The following TP53BP1 variants were observed in gnomAD, a reference collection of about 807,000 sequenced individuals.
TP53BP1 encodes the protein tumor protein p53 binding protein 1.
Under a neutral mutation model 200.8 loss-of-function variants are expected in TP53BP1, and 61 were observed. That is an observed-to-expected ratio of 0.30 (90% CI 0.25 to 0.38). TP53BP1 has a LOEUF of 0.38. Ranked by LOEUF, TP53BP1 falls within the 10% of genes least tolerant of loss-of-function variation. The probability of loss-of-function intolerance (pLI) is 1.00; values close to 1 mark genes in which losing one functional copy is unlikely to be tolerated. For missense variants in TP53BP1, 2,144 were observed against 2,371.9 expected, an observed-to-expected ratio of 0.90 and a Z score of 2.00; for synonymous variants, 822 against 844.3, an observed-to-expected ratio of 0.97 and a Z score of 0.46.
Position 43,471,952 on chromosome 15 carries a change from A to G in TP53BP1, c.1181-1886T>C, listed in dbSNP as rs184799348. 8.5e-5 allele frequency among the ~76,000 whole-genome samples: 13 copies of G among 152,352 alleles called. 1 individual carries two copies. Among genetic ancestry groups the G allele is most frequent in the Admixed American group, 2.6e-4 (4 of 15,310 alleles). Reference sequence around the variant, plus strand: ...AATTTGGATACCTACAACTGATTTTAAGAGAAACAGCCAGAGACAAACTTT... The same window carrying G: ...AATTTGGATACCTACAACTGATTTTGAGAGAAACAGCCAGAGACAAACTTT... On this transcript the variant is annotated intron_variant, in intron 10 of 27. Transcript: ENST00000382044.
chr15:43,420,562 G>C lies in TP53BP1; in HGVS notation c.4424C>G (p.Ala1475Gly), dbSNP rs1466285699. Residue 1475 changes from alanine to glycine, a missense_variant, in exon 21 of 28, where the codon GCT becomes GGT. Physicochemically the swap from Ala to Gly is moderately conservative, Grantham distance 60. Coordinates refer to ENST00000382044, the MANE Select transcript of TP53BP1 (RefSeq NM_001141980.3). The stretch of plus-strand genomic sequence containing the variant: ...ATCTAAGCCATCAGAAGGGCCAGCA[G>C]CAGCCTGGAAAGGAATTTCTGGAGA... ...SDSPEIPFQAAAGPSDGLDAS... is the reference protein window; with the variant it reads ...SDSPEIPFQAGAGPSDGLDAS... The C allele has an allele frequency of 6.2e-7, 1 of 1,614,180 alleles. No homozygotes were observed. Among genetic ancestry groups the C allele is most frequent in the East Asian group, 2.2e-5 (1 of 44,876 alleles).
intron 8 of TP53BP1, among the ~76,000 whole-genome samples, chr15:43,477,006 A>G (rs1417991348): frequency 2.0e-5 from 3 of 152,224 alleles, no homozygotes; most frequent in Admixed American, 1.3e-4. Context: ...GTAGCCATGT[A>G]ACAGAAAATG....
At chr15:43,413,000 C>A in intron 24 of TP53BP1, 119 bp downstream of exon 24, 1 of 879,026 alleles carries the variant, frequency 1.1e-6, no homozygotes, top group Non-Finnish European at 1.8e-6. Flanking sequence ...TGACCAAGAT[C>A]CCAGTTGCTA....
At chr15:43,446,909 C>T (rs2046054129) in intron 13 of TP53BP1, 5 of 759,564 alleles carry the variant, frequency 6.6e-6, no homozygotes, top group Non-Finnish European at 8.4e-6. Flanking sequence ...TACCTCCCAG[C>T]ACTGACTAGA....
At chr15:43,412,122 C>T (rs1185151231) in intron 24 of TP53BP1, among the ~76,000 whole-genome samples, 1 of 152,226 alleles carries the variant, frequency 6.6e-6, no homozygotes, top group Non-Finnish European at 1.5e-5. Context: ...CATCTACTCA[C>T]TCCCACAGCC....
At chr15:43,409,547 C>T (rs2045041044) in intron 25 of TP53BP1, 100 bp downstream of exon 25, 1 of 594,666 alleles carries the variant, frequency 1.7e-6, no homozygotes, top group Admixed American at 3.5e-5. Flanking sequence ...TCTCTGGCTA[C>T]TTTATCCAGG....
chr15:43,475,628 G>A lies in TP53BP1; in HGVS notation c.1022C>T (p.Ala341Val). 5 of 1,614,084 alleles carry A rather than the reference G, an allele frequency of 3.1e-6. No homozygotes were observed. The South Asian group carries it at 3.3e-5, about 11-fold the overall frequency. Residue 341 changes from alanine (A) to valine (V), a missense_variant, in exon 9 of 28, where the codon GCC becomes GTC. Ala to Val is a moderately conservative substitution (Grantham distance 64, BLOSUM62 0). This residue lies in a region of TP53BP1 where 1,700 missense variants were observed against 1,710.3 expected (regional missense o/e 0.99). Coordinates refer to ENST00000382044, the MANE Select transcript of TP53BP1 (RefSeq NM_001141980.3). ...EGGCSLASTPATTLHLLQLSG... is the reference protein window; with the variant it reads ...EGGCSLASTPVTTLHLLQLSG... ...GAGCTGCAGGAGATGCAGAGTGGTG[G>A]CAGGAGTGGAAGCCAAAGAACACCC...
chr15:43,471,015 G>A (rs908860066), intron 10 of TP53BP1, among the ~76,000 whole-genome samples: 3 of 152,092 alleles, frequency 2.0e-5, no homozygotes, highest in African/African-American at 7.2e-5. Context: ...AAGTATTTTT[G>A]TTGCACCTTT....
chr15:43,452,745 C>T (rs1420629937), intron 12 of TP53BP1, among the ~76,000 whole-genome samples: 1 of 151,966 alleles, frequency 6.6e-6, no homozygotes, highest in Admixed American at 6.6e-5. Context: ...CTAGCATTTT[C>T]AATAATCTGG....
chr15:43,467,961 T>A (rs1207100087), intron 11 of TP53BP1, among the ~76,000 whole-genome samples: 2 of 152,112 alleles, frequency 1.3e-5, no homozygotes, highest in African/African-American at 4.8e-5. Context: ...TTTTTGTATT[T>A]TTTGGTAGAG....
intron 1 of TP53BP1, among the ~76,000 whole-genome samples, chr15:43,503,035 G>GAGCA (rs2079217926): frequency 2.3e-5 from 2 of 86,896 alleles, no homozygotes; most frequent in Admixed American, 2.1e-4. Context: ...TTACATGCGT[G>GAGCA]AGCCACCTTG....
chr15:43,479,394 T>C lies in TP53BP1; in HGVS notation c.788+3A>G, dbSNP rs1449435834. 6.3e-7 allele frequency: 1 copy of C among 1,596,726 alleles called. No homozygotes were observed. The highest frequency in any genetic ancestry group is 1.3e-5 in the African/African-American group (1 of 74,128). ...TAAATCCTTTTTAGAAAGTTCGGCT[T>C]ACCTTGCAGGTGGTGGATTTTGCTC... On this transcript the variant is annotated splice_donor_region_variant and intron_variant, in intron 7 of 27. Coordinates refer to ENST00000382044, the MANE Select transcript of TP53BP1 (RefSeq NM_001141980.3).
At chr15:43,470,570 C>T (rs544336618) in intron 10 of TP53BP1, among the ~76,000 whole-genome samples, 1 of 152,204 alleles carries the variant, frequency 6.6e-6, no homozygotes, top group Admixed American at 6.5e-5. Context: ...TGTACAAATA[C>T]AGATGAAGAA....
chr15:43,457,353 A>C, intron 11 of TP53BP1, 135 bp from the exon 12 acceptor site: 1 of 876,870 alleles, frequency 1.1e-6, no homozygotes, highest in Non-Finnish European at 1.6e-6. Context: ...AAAATTTCTA[A>C]ATCAAATTTA....
chr15:43,503,981 G>A (rs994948859), intron 1 of TP53BP1, among the ~76,000 whole-genome samples: 1 of 152,052 alleles, frequency 6.6e-6, no homozygotes, highest in Non-Finnish European at 1.5e-5. Flanking sequence ...GTAATCAAGA[G>A]ACAATTTAAT....
intron 12 of TP53BP1, among the ~76,000 whole-genome samples, chr15:43,454,440 C>T (rs2046246195): frequency 6.6e-6 from 1 of 151,014 alleles, no homozygotes; most frequent in Non-Finnish European, 1.5e-5. Flanking sequence ...CTCAGCTCAT[C>T]GCAACCTCCA....
At chr15:43,490,799 A>G (rs2079110945) in intron 4 of TP53BP1, among the ~76,000 whole-genome samples, 1 of 152,106 alleles carries the variant, frequency 6.6e-6, no homozygotes, top group African/African-American at 2.4e-5. Context: ...TTGTCCATCA[A>G]TTTTCCCGTC....
chr15:43,472,913 C>T (rs962146209), intron 10 of TP53BP1, among the ~76,000 whole-genome samples: 2 of 152,144 alleles, frequency 1.3e-5, no homozygotes, highest in African/African-American at 4.8e-5. Context: ...CGGACCCTCA[C>T]GGTGAGAGTT....
chr15:43,481,005 A>G lies in TP53BP1; in HGVS notation c.389T>C (p.Val130Ala). ...NRTSSVLGMS[V>A]ESAPAVEEEK... ...TTCCTCCACAGCAGGAGCAGATTCC[A>G]CTGACATTCCCAGAACACTACACAG... is the stretch of plus-strand genomic sequence containing the variant. The change falls in exon 5 of 28, where the codon GTG becomes GCG. Residue 130 changes from valine (V) to alanine (A), a missense_variant. By Grantham distance (64) the Val-to-Ala change is moderately conservative (BLOSUM62 0). Coordinates refer to ENST00000382044, the MANE Select transcript of TP53BP1 (RefSeq NM_001141980.3). 1 of 1,614,048 alleles carries G rather than the reference A, an allele frequency of 6.2e-7. No homozygotes were observed. Among genetic ancestry groups the G allele is most frequent in the Non-Finnish European group, 8.5e-7 (1 of 1,179,972 alleles).
Sources: gnomAD v4.1 joint callset for allele counts (sites outside exome capture counted in the v4.1 genomes callset) on GRCh38, gnomAD v4.1.1 for gene constraint, gnomAD v4.1.1 regional missense constraint, MANE v1.5 for transcripts, NCBI Gene and HGNC (gene_info 2026-07-23, HGNC 2026-07-21) for gene names.